Variants in AKAP9 observed in about 807,000 individuals in gnomAD.
AKAP9 encodes A-kinase anchor protein 9.
Under a neutral mutation model 488.5 loss-of-function variants are expected in AKAP9, and 311 were observed. The observed-to-expected ratio is 0.64, with a 90% CI of 0.58 to 0.70. The LOEUF (loss-of-function observed/expected upper bound fraction) is 0.70. Among genes scored for constraint, AKAP9 ranks in the 30% least tolerant of loss-of-function variants. The probability of loss-of-function intolerance (pLI) is 0.00; values close to 1 mark genes in which losing one functional copy is unlikely to be tolerated. For missense variants in AKAP9, 4,215 were observed against 4,374.5 expected (o/e 0.96, Z 1.03); for synonymous variants, 1,462 against 1,483.5 (o/e 0.99, Z 0.33).
At chr7:92,035,934 T>A (rs1805121460) in intron 16 of AKAP9, among the ~76,000 whole-genome samples, 2 of 152,160 alleles carry the variant, frequency 1.3e-5, no homozygotes, top group African/African-American at 4.8e-5. Flanking sequence ...TTAAAAAGGA[T>A]GTTTACGCTC....
chr7:91,986,789 T>C (rs979617551), intron 3 of AKAP9, among the ~76,000 whole-genome samples: 4 of 152,094 alleles, frequency 2.6e-5, no homozygotes, highest in Non-Finnish European at 5.9e-5. Flanking sequence ...AGTATTTAAG[T>C]GTAAGTACTA....
chr7:91,966,540 T>C (rs558510175), intron 1 of AKAP9, among the ~76,000 whole-genome samples: 1 of 152,368 alleles, frequency 6.6e-6, no homozygotes, highest in South Asian at 2.1e-4. Context: ...ATAAAATGTT[T>C]TGTAAATATC....
At chr7:92,091,003 T>C (rs1175444257) in intron 38 of AKAP9, among the ~76,000 whole-genome samples, 2 of 152,234 alleles carry the variant, frequency 1.3e-5, no homozygotes, top group Non-Finnish European at 1.5e-5. Flanking sequence ...GTGGTTTTAA[T>C]TGGCTGTTCT....
At chr7:92,032,473 C>T (rs919666271) in intron 16 of AKAP9, among the ~76,000 whole-genome samples, 2 of 147,742 alleles carry the variant, frequency 1.4e-5, no homozygotes, top group African/African-American at 5.1e-5. Context: ...TCCAGCTTGG[C>T]CAACAAAAGC....
At chr7:91,962,876 G>C (rs1793892539) in intron 1 of AKAP9, among the ~76,000 whole-genome samples, 1 of 151,792 alleles carries the variant, frequency 6.6e-6, no homozygotes, top group Non-Finnish European at 1.5e-5. Context: ...CATTTATTAT[G>C]TGTTTGCACA....
intron 3 of AKAP9, among the ~76,000 whole-genome samples, chr7:91,980,658 T>A (rs1199311142): frequency 6.6e-6 from 1 of 151,866 alleles, no homozygotes; most frequent in Non-Finnish European, 1.5e-5. Flanking sequence ...ATATCAAAAA[T>A]TTTTTGAGAC....
At chr7:92,010,181 G>A (rs1050779262) in intron 8 of AKAP9, among the ~76,000 whole-genome samples, 2 of 152,204 alleles carry the variant, frequency 1.3e-5, no homozygotes, top group Non-Finnish European at 1.5e-5. Flanking sequence ...AAACCTTCTT[G>A]GGAGGCCGGG....
chr7:92,005,661 G>A (rs1799733603), intron 8 of AKAP9, among the ~76,000 whole-genome samples: 2 of 151,790 alleles, frequency 1.3e-5, no homozygotes, highest in South Asian at 2.1e-4. Context: ...ATTGCTTAAC[G>A]ATTTTTTTGT....
chr7:92,029,966 A>T lies in AKAP9; in HGVS notation c.4220A>T (p.Lys1407Ile). Residue 1407 changes from lysine (K) to isoleucine (I), a missense_variant, in exon 15 of 50, where the codon AAA becomes ATA. This residue lies in a region of AKAP9 where 2,361 missense variants were observed against 2,430.0 expected (regional missense o/e 0.97). Transcript: ENST00000356239. ...QRTMYPGSCV[K>I]KNIDGTIEFS... Reference sequence around the variant, plus strand: ...ACAATGTACCCTGGAAGTTGTGTGAAAAAGAATATTGATGGTACAATAGAG... The same window carrying T: ...ACAATGTACCCTGGAAGTTGTGTGATAAAGAATATTGATGGTACAATAGAG... 6.2e-7 allele frequency: 1 copy of T among 1,611,058 alleles called. No individual in the cohort carries two copies. Among genetic ancestry groups the T allele is most frequent in the Non-Finnish European group, 8.5e-7 (1 of 1,177,514 alleles).
intron 22 of AKAP9, among the ~76,000 whole-genome samples, chr7:92,058,961 T>TA (rs898897474): frequency 2.0e-5 from 3 of 152,060 alleles, no homozygotes; most frequent in Non-Finnish European, 4.4e-5. Context: ...ATATATTTTA[T>TA]AAACATTGTT....
chr7:92,096,203 T>G (rs1339127444), intron 40 of AKAP9, among the ~76,000 whole-genome samples: 2 of 152,186 alleles, frequency 1.3e-5, no homozygotes, highest in Admixed American at 1.3e-4. Flanking sequence ...CTTTTATTTA[T>G]ATTTCATGAT....
chr7:92,094,855 AAG>A (rs1285993042), intron 39 of AKAP9, among the ~76,000 whole-genome samples, 166 bp from the exon 40 acceptor site: 1 of 152,138 alleles, frequency 6.6e-6, no homozygotes, highest in Non-Finnish European at 1.5e-5. Context: ...AAAAAAAAGA[AAG>A]AGTTAATTTG....
In AKAP9 at chr7:92,029,902, G is replaced by A; in HGVS notation, c.4156G>A (p.Val1386Ile). Reference sequence around the variant, plus strand: ...TTTTTTATTTATATTCAGCTTACCTGTTGATTCGGTGGTAATTACAGAATC... The same window carrying A: ...TTTTTTATTTATATTCAGCTTACCTATTGATTCGGTGGTAATTACAGAATC... ...SESTVPPSLP[V>I]DSVVITESDA... is the part of the protein sequence containing the mutation. Residue 1386 changes from valine (V) to isoleucine (I), a missense_variant, in exon 15 of 50, where the codon GTT becomes ATT. Val to Ile is a conservative substitution (Grantham distance 29). Coordinates refer to ENST00000356239, the MANE Select transcript of AKAP9 (RefSeq NM_005751.5). 6.2e-7 allele frequency: 1 copy of A among 1,611,394 alleles called. No individual in the cohort carries two copies. The highest frequency in any genetic ancestry group is 8.5e-7 in the Non-Finnish European group (1 of 1,177,762).
chr7:92,033,712 G>A (rs950079012), intron 16 of AKAP9, among the ~76,000 whole-genome samples: 2 of 152,090 alleles, frequency 1.3e-5, no homozygotes, highest in African/African-American at 2.4e-5. Context: ...TGCTGGAATA[G>A]CAGGCGTGAG....
intron 21 of AKAP9, among the ~76,000 whole-genome samples, chr7:92,047,744 G>A (rs1277180887): frequency 2.0e-5 from 3 of 152,164 alleles, no homozygotes; most frequent in East Asian, 3.9e-4. Context: ...ACTGTTGACC[G>A]ATTCTGAAAG....
In AKAP9 at chr7:91,944,952, G is replaced by T. The variant is rs77180343; in HGVS notation, c.48+3805G>T. On this transcript the variant is annotated intron_variant, in intron 1 of 49. Coordinates refer to ENST00000356239, the MANE Select transcript of AKAP9 (RefSeq NM_005751.5). The stretch of plus-strand genomic sequence containing the variant: ...TTGCTGTTAGTTCGTATTGCTATGG[G>T]CATGCTCTTACTCCTCATCTGCCTC... Among the ~76,000 whole-genome samples, 91 of 152,216 alleles carry T rather than the reference G, an allele frequency of 6.0e-4. No individual in the cohort carries two copies. In the East Asian group the frequency reaches 0.017, roughly 29 times the overall value.
chr7:92,039,750 G>T (rs904735118), intron 17 of AKAP9, among the ~76,000 whole-genome samples: 8 of 152,138 alleles, frequency 5.3e-5, no homozygotes, highest in African/African-American at 1.2e-4. Context: ...CGAGGCAGGT[G>T]GATCACTTGA....
intron 7 of AKAP9, among the ~76,000 whole-genome samples, chr7:91,998,808 T>C (rs1798748195): frequency 1.3e-5 from 2 of 152,320 alleles, no homozygotes; most frequent in African/African-American, 2.4e-5. Flanking sequence ...TATATTACAC[T>C]CGTATATATT....
At chr7:92,052,670 T>G (rs1808183553) in intron 21 of AKAP9, 56 bp from the exon 22 acceptor site, 1 of 1,266,072 alleles carries the variant, frequency 7.9e-7, no homozygotes, top group Non-Finnish European at 1.1e-6. Context: ...TTTTATAACT[T>G]TAAAAAATTA....
Sources: allele counts gnomAD v4.1 joint callset (sites outside exome capture counted in the v4.1 genomes callset), GRCh38; gene constraint gnomAD v4.1.1; regional missense constraint gnomAD v4.1.1; transcripts MANE v1.5; gene names NCBI Gene and HGNC (gene_info 2026-07-23, HGNC 2026-07-21).